The following ESF1 variants were observed in gnomAD, a reference collection of about 807,000 sequenced individuals.
The protein encoded by ESF1 is ESF1 nucleolar pre-rRNA processing protein, also known as ESF1 homolog.
A neutral mutation model predicts 92.0 loss-of-function variants in ESF1; 58 were observed. That is an observed-to-expected ratio of 0.63 (90% CI 0.51 to 0.78). ESF1 has a LOEUF of 0.78. ESF1 is among the 30% of genes least tolerant of loss of function. The pLI, the probability that ESF1 is intolerant of heterozygous loss-of-function variation, is 0.00. For missense variants in ESF1, 922 were observed against 989.1 expected, an observed-to-expected ratio of 0.93 and a Z score of 0.91; for synonymous variants, 321 against 313.7, an observed-to-expected ratio of 1.02 and a Z score of -0.24.
intron 9 of ESF1, among the ~76,000 whole-genome samples, chr20:13,746,363 T>C (rs757564088): frequency 5.0e-4 from 76 of 152,176 alleles, no homozygotes; most frequent in Non-Finnish European, 9.0e-4. Context: ...CACAATGAAG[T>C]ATAAGCATTT....
At chr20:13,738,590 C>A (rs902801887) in intron 9 of ESF1, among the ~76,000 whole-genome samples, 1 of 152,178 alleles carries the variant, frequency 6.6e-6, no homozygotes, top group African/African-American at 2.4e-5. Context: ...GCTGGGATTA[C>A]GGTCATGAGC....
intron 13 of ESF1, among the ~76,000 whole-genome samples, chr20:13,717,085 G>T (rs2049834083): frequency 6.6e-6 from 1 of 151,878 alleles, no homozygotes; most frequent in Non-Finnish European, 1.5e-5. Context: ...CCAAAGTGCT[G>T]AGATTACAGG....
At chr20:13,726,503 A>G (rs901786189) in intron 11 of ESF1, among the ~76,000 whole-genome samples, 1 of 152,176 alleles carries the variant, frequency 6.6e-6, no homozygotes, top group Non-Finnish European at 1.5e-5. Flanking sequence ...CTCTAATGCC[A>G]TCATCTCAGA....
chr20:13,756,215 T>G (rs566158506), intron 9 of ESF1, among the ~76,000 whole-genome samples: 7 of 152,334 alleles, frequency 4.6e-5, no homozygotes, highest in African/African-American at 1.7e-4. Flanking sequence ...ACAGAAAGAT[T>G]GCTCAATGAT....
intron 2 of ESF1, among the ~76,000 whole-genome samples, chr20:13,779,683 C>T (rs1980094382): frequency 6.6e-6 from 1 of 152,126 alleles, no homozygotes; most frequent in Non-Finnish European, 1.5e-5. Context: ...TACAGGTGTG[C>T]ACCACTATGC....
chr20:13,728,543 A>C lies in ESF1; in HGVS notation c.1951-78T>G, dbSNP rs575608107. ...AAATGTATACCAAGAAAAACTATGC[A>C]TTTCTTTTAAACCAAGTAGTTCAAT... On this transcript the variant is annotated intron_variant, in intron 10 of 13. Transcript: ENST00000617257. 1.2e-4 allele frequency: 143 copies of C among 1,149,460 alleles called. 2 individuals are homozygous for C. In the Middle Eastern group the frequency reaches 1.8e-3, roughly 14 times the overall value. The allele number at this position is 1,149,460 out of a possible 1,614,324, so 71.2% of individuals were successfully genotyped here.
In ESF1 at chr20:13,771,497, A is replaced by G. The variant is rs1979683059; in HGVS notation, c.1251-14T>C. On this transcript the variant is annotated splice_polypyrimidine_tract_variant and intron_variant, in intron 5 of 13. Coordinates refer to ENST00000617257, the MANE Select transcript of ESF1 (RefSeq NM_001276380.2). ...TCTCTAGACGTCCTAAAGTGGGAAA[A>G]ACTTATTAAGCATACTTATACAGAA... The G allele has an allele frequency of 6.2e-7, 1 of 1,605,308 alleles. No homozygotes were observed. The highest frequency in any genetic ancestry group is 1.3e-5 in the African/African-American group (1 of 74,496).
intron 4 of ESF1, 56 bp downstream of exon 4, chr20:13,775,099 ATC>A: frequency 4.3e-6 from 5 of 1,158,738 alleles, no homozygotes; most frequent in African/African-American, 1.6e-5. Flanking sequence ...AAAAAAAAAA[ATC>A]AGATTTAACT....
chr20:13,739,676 G>T (rs1331931634), intron 9 of ESF1, among the ~76,000 whole-genome samples: 1 of 104,960 alleles, frequency 9.5e-6, no homozygotes, highest in African/African-American at 3.7e-5. Context: ...TTAGATGTAA[G>T]AAAACAAAAG....
intron 9 of ESF1, among the ~76,000 whole-genome samples, chr20:13,747,550 C>T (rs1169641010): frequency 6.7e-6 from 1 of 149,916 alleles, no homozygotes; most frequent in East Asian, 2.0e-4. Context: ...GCCGAGATGG[C>T]ACCACTGCAC....
chr20:13,766,962 T>C, intron 7 of ESF1, 38 bp from the exon 8 acceptor site: 6 of 1,595,856 alleles, frequency 3.8e-6, no homozygotes, highest in Middle Eastern at 3.3e-4. Flanking sequence ...CACACGAAAA[T>C]GGAAATGTCA....
chr20:13,748,050 T>C (rs1978360128), intron 9 of ESF1, among the ~76,000 whole-genome samples: 1 of 152,230 alleles, frequency 6.6e-6, no homozygotes, highest in Non-Finnish European at 1.5e-5. Flanking sequence ...ATAAGAACTT[T>C]TCAGCTGCAC....
Position 13,776,051 on chromosome 20 carries a change from T to C in ESF1, c.857A>G (p.Glu286Gly), listed in dbSNP as rs376098271. The C allele has an allele frequency of 3.4e-5, 55 of 1,613,290 alleles. No homozygotes were observed. Among genetic ancestry groups the C allele is most frequent in the Non-Finnish European group, 4.4e-5 (52 of 1,179,600 alleles). ...ATCATCATCCTCACTATCCTCATCT[T>C]CATCCTCCTCTTCATCTTCATCCTC... The part of the protein sequence containing the change: ...EEEDEDEEED[E>G]DEDSEDDDKS... The change falls in exon 3 of 14, where the codon GAA (glutamate) becomes GGA (glycine). Residue 286 changes from glutamate (E) to glycine (G), a missense_variant. Glu to Gly is a moderately conservative substitution (Grantham distance 98). Transcript: ENST00000617257.
intron 9 of ESF1, among the ~76,000 whole-genome samples, chr20:13,759,375 A>G (rs1397688016): frequency 6.6e-6 from 1 of 152,224 alleles, no homozygotes; most frequent in Non-Finnish European, 1.5e-5. Context: ...TTAAGAATTA[A>G]ACATTCAAAA....
At chr20:13,783,747 C>T (rs1361917415) in intron 1 of ESF1, among the ~76,000 whole-genome samples, 2 of 152,152 alleles carry the variant, frequency 1.3e-5, no homozygotes, top group East Asian at 3.9e-4. Context: ...CCCGGGAGGT[C>T]TTGGCTAGAG....
intron 7 of ESF1, among the ~76,000 whole-genome samples, chr20:13,767,974 T>C (rs1158384281): frequency 6.6e-6 from 1 of 152,200 alleles, no homozygotes. Context: ...CAAAACACTG[T>C]TGGAACTAGG....
rs1436122626 is a variant in ESF1 at position 13,714,482 on chromosome 20, G to A, written c.*392C>T. The A allele has an allele frequency of 6.6e-6, 1 of 152,514 alleles. No homozygotes were observed. Among genetic ancestry groups the A allele is most frequent in the East Asian group, 1.9e-4 (1 of 5,212 alleles). 9.4% of individuals were successfully genotyped at this position (152,514 alleles called of 1,614,324 possible). A position where few individuals can be genotyped will look rare whatever the true frequency, so the allele number is the denominator to read the frequency against. On this transcript the variant is annotated 3_prime_UTR_variant, in exon 14 of 14. Coordinates refer to ENST00000617257, the MANE Select transcript of ESF1 (RefSeq NM_001276380.2). ...GCCTCCTGCTTCCAGAGAAATTAAT[G>A]TATTAAATATATATATTTTTCAAAT...
chr20:13,732,082 G>T (rs1272655024), intron 10 of ESF1, among the ~76,000 whole-genome samples: 1 of 152,202 alleles, frequency 6.6e-6, no homozygotes. Context: ...GGGGGTCGTG[G>T]GAACCCCAAC....
chr20:13,746,451 C>T (rs369466935), intron 9 of ESF1, among the ~76,000 whole-genome samples: 1 of 152,194 alleles, frequency 6.6e-6, no homozygotes. Context: ...TTGTCAGTTA[C>T]TCCCCATCAA....
Sources: gnomAD v4.1 joint callset for allele counts (sites outside exome capture counted in the v4.1 genomes callset) on GRCh38, gnomAD v4.1.1 for gene constraint, MANE v1.5 for transcripts, NCBI Gene and HGNC (gene_info 2026-07-23, HGNC 2026-07-21) for gene names.